Variants in ERG observed in about 807,000 individuals in gnomAD.
The protein encoded by ERG is transcriptional regulator ERG.
ERG carries 9 observed loss-of-function variants against 55.3 expected under a neutral mutation model. The observed-to-expected ratio is 0.16, with a 90% confidence interval of 0.10 to 0.28. The LOEUF is 0.28. ERG is among the 10% of genes least tolerant of loss of function. ERG has a pLI of 1.00. For missense variants in ERG, 434 were observed against 631.6 expected, an observed-to-expected ratio of 0.69 and a Z score of 3.35; for synonymous variants, 223 against 237.3, an observed-to-expected ratio of 0.94 and a Z score of 0.55.
At chr21:38,510,552 G>C (rs965560812) in intron 2 of ERG, among the ~76,000 whole-genome samples, 4 of 152,180 alleles carry the variant, frequency 2.6e-5, no homozygotes, top group African/African-American at 9.6e-5. Flanking sequence ...TACTTTTGGA[G>C]TGGGGAGCTT....
In ERG at chr21:38,419,252, A is replaced by G. The variant is rs528017777; in HGVS notation, c.388+4158T>C. On this transcript the variant is annotated intron_variant, in intron 3 of 9. Transcript: ENST00000288319. The stretch of plus-strand genomic sequence containing the variant: ...CAGTCTTGCCAGAACAACAGGCACA[A>G]ACCAGGGCTGCCCAGAATGCCTGGT... Among the ~76,000 whole-genome samples, 9 of 152,348 alleles carry G rather than the reference A, an allele frequency of 5.9e-5. No homozygotes were observed. The East Asian group carries it at 1.5e-3, about 26-fold the overall frequency.
intron 2 of ERG, among the ~76,000 whole-genome samples, chr21:38,548,450 ATTT>A (rs879449636): frequency 7.1e-6 from 1 of 141,610 alleles, no homozygotes. Context: ...TTATCATATG[ATTT>A]TTTTTTTTTT....
intron 1 of ERG, among the ~76,000 whole-genome samples, chr21:38,581,912 G>A (rs541822477): frequency 6.6e-6 from 1 of 152,154 alleles, no homozygotes; most frequent in South Asian, 2.1e-4. Flanking sequence ...GCGTGGTGGT[G>A]GACGCCTGTA....
chr21:38,623,169 CAT>C (rs201686683), intron 1 of ERG, among the ~76,000 whole-genome samples: 1 of 148,788 alleles, frequency 6.7e-6, no homozygotes, highest in Non-Finnish European at 1.5e-5. Flanking sequence ...CACACACACA[CAT>C]TACATACACA....
rs376622308 is a variant in ERG, at chr21:38,403,495, G to C, written c.592+11C>G. ...CACAGCCATCTATCCTTGGAGGAAG[G>C]GGGAGCTTACTCTCTCTGAGGTAGT... On this transcript the variant is annotated intron_variant, in intron 4 of 9. Coordinates refer to ENST00000288319, the MANE Select transcript of ERG (RefSeq NM_182918.4). 7 of 1,613,262 alleles carry C rather than the reference G, an allele frequency of 4.3e-6. No individual in the cohort carries two copies. In the Admixed American group the frequency reaches 5.0e-5, roughly 12 times the overall value.
intron 2 of ERG, among the ~76,000 whole-genome samples, chr21:38,550,831 A>T (rs2059819608): frequency 6.6e-6 from 1 of 152,184 alleles, no homozygotes; most frequent in Non-Finnish European, 1.5e-5. Flanking sequence ...AAGGTTTGTG[A>T]CACACACACA....
chr21:38,411,358 C>T (rs992934353), intron 3 of ERG, among the ~76,000 whole-genome samples: 1 of 152,150 alleles, frequency 6.6e-6, no homozygotes, highest in Non-Finnish European at 1.5e-5. Context: ...CGCTCTGTCA[C>T]CTAGGCTGGA....
At chr21:38,420,328 CTGTG>C (rs1251924014) in intron 3 of ERG, among the ~76,000 whole-genome samples, 1 of 151,978 alleles carries the variant, frequency 6.6e-6, no homozygotes. Flanking sequence ...GTGTTCATCT[CTGTG>C]TGTGTATGAG....
intron 2 of ERG, among the ~76,000 whole-genome samples, chr21:38,548,141 T>C (rs1236069282): frequency 1.3e-5 from 2 of 152,144 alleles, no homozygotes; most frequent in African/African-American, 4.8e-5. Context: ...ATGCAAATTG[T>C]ACCCCTGTGC....
At chr21:38,523,871 T>C (rs1203805350) in intron 2 of ERG, among the ~76,000 whole-genome samples, 1 of 152,150 alleles carries the variant, frequency 6.6e-6, no homozygotes, top group East Asian at 1.9e-4. Context: ...TCTCCATCCA[T>C]CTCAGAATAC....
chr21:38,456,788 T>C (rs1445499522), intron 1 of ERG, among the ~76,000 whole-genome samples: 2 of 152,216 alleles, frequency 1.3e-5, no homozygotes, highest in Non-Finnish European at 2.9e-5. Flanking sequence ...GCTAAGCCTG[T>C]GCTTTTCAGA....
chr21:38,621,684 CTT>C (rs1372948921), intron 1 of ERG, among the ~76,000 whole-genome samples: 1 of 152,170 alleles, frequency 6.6e-6, no homozygotes, highest in Non-Finnish European at 1.5e-5. Flanking sequence ...AAACCCATCT[CTT>C]CTGGCAGATC....
intron 1 of ERG, among the ~76,000 whole-genome samples, chr21:38,657,705 T>G (rs542557825): frequency 1.8e-4 from 27 of 152,204 alleles, no homozygotes; most frequent in Non-Finnish European, 3.2e-4. Flanking sequence ...TGTTGTTTAT[T>G]TACAAAATAA....
intron 5 of ERG, among the ~76,000 whole-genome samples, chr21:38,401,225 T>C (rs1038946462): frequency 6.6e-6 from 1 of 152,234 alleles, no homozygotes; most frequent in Non-Finnish European, 1.5e-5. Flanking sequence ...GTTTCTTCCG[T>C]GTTTAACAAT....
chr21:38,532,495 T>C (rs1408154015), intron 2 of ERG, among the ~76,000 whole-genome samples: 2 of 152,160 alleles, frequency 1.3e-5, no homozygotes, highest in African/African-American at 2.4e-5. Context: ...GCAATTCTAG[T>C]TTGGAAACAC....
chr21:38,613,964 A>T (rs991602132), intron 1 of ERG, among the ~76,000 whole-genome samples: 7 of 152,282 alleles, frequency 4.6e-5, no homozygotes, highest in African/African-American at 1.7e-4. Context: ...CTTCTGAGTT[A>T]AAGTCTTTCA....
upstream of ERG, among the ~76,000 whole-genome samples, chr21:38,588,130 C>T (rs1253883362): frequency 1.3e-5 from 2 of 152,200 alleles, no homozygotes; most frequent in African/African-American, 2.4e-5. Context: ...CACTACCAGC[C>T]GCGTGAGCTG....
At chr21:38,594,060 T>C (rs2060117147) in intron 1 of ERG, among the ~76,000 whole-genome samples, 1 of 152,158 alleles carries the variant, frequency 6.6e-6, no homozygotes. Context: ...TTGTGCTCTT[T>C]AAGGGTGGGG....
intron 2 of ERG, among the ~76,000 whole-genome samples, chr21:38,561,296 A>G (rs1006630672): frequency 5.9e-5 from 9 of 152,112 alleles, no homozygotes; most frequent in African/African-American, 2.2e-4. Flanking sequence ...GTCTTTGCTC[A>G]TTGCCAACAT....
Sources: gnomAD v4.1 joint callset for allele counts (sites outside exome capture counted in the v4.1 genomes callset) on GRCh38, gnomAD v4.1.1 for gene constraint, MANE v1.5 for transcripts, NCBI Gene and HGNC (gene_info 2026-07-23, HGNC 2026-07-21) for gene names.